TFEB: variants seen among roughly 807,000 people sequenced by gnomAD.
The protein encoded by TFEB is T-cell transcription factor EB.
Under a neutral mutation model 48.0 loss-of-function variants are expected in TFEB, and 12 were observed. The observed-to-expected ratio is 0.25, with a 90% CI of 0.16 to 0.40. The LOEUF is 0.40. Among genes scored for constraint, TFEB ranks in the 10% least tolerant of loss-of-function variants. The pLI is 1.00. For synonymous variants in TFEB, 244 were observed against 261.4 expected, an observed-to-expected ratio of 0.93 and a Z score of 0.64; for missense variants, 509 against 640.3, an observed-to-expected ratio of 0.79 and a Z score of 2.21.
chr6:41,725,865 G>A (rs1771183539), intron 1 of TFEB, among the ~76,000 whole-genome samples: 1 of 152,200 alleles, frequency 6.6e-6, no homozygotes. Context: ...GTGTTGATAA[G>A]GCTAAGGAGC....
Position 41,691,692 on chromosome 6 carries a change from G to A in TFEB, c.-22-457C>T, listed in dbSNP as rs1769325962. Among the ~76,000 whole-genome samples, 1 of 152,084 alleles carries A rather than the reference G, an allele frequency of 6.6e-6. No homozygotes were observed. Among genetic ancestry groups the A allele is most frequent in the African/African-American group, 2.4e-5 (1 of 41,406 alleles). ...AGGACGTTCTACTGGCAACTCAGTAGAGCAACTCATTTAACTCCTGTTAAA... is the reference window on the plus strand; with the variant it reads ...AGGACGTTCTACTGGCAACTCAGTAAAGCAACTCATTTAACTCCTGTTAAA... On this transcript the variant is annotated intron_variant, in intron 1 of 8. Coordinates refer to ENST00000373033, the MANE Select transcript of TFEB (RefSeq NM_001271944.2). The surrounding 1 kb of genome is among the most constrained non-coding windows in gnomAD (Gnocchi z 5.2).
At chr6:41,732,487 T>C (rs545877654) in intron 1 of TFEB, among the ~76,000 whole-genome samples, 1 of 152,350 alleles carries the variant, frequency 6.6e-6, no homozygotes, top group South Asian at 2.1e-4. Context: ...AAAGAAGAGA[T>C]GAATATTCTA....
chr6:41,691,855 C>T lies in TFEB; in HGVS notation c.-22-620G>A, dbSNP rs537259158. On this transcript the variant is annotated intron_variant, in intron 1 of 8. Transcript: ENST00000373033. This position sits in a 1 kb window ranked among gnomAD's most constrained non-coding sequence, Gnocchi z 5.2. ...CCCACCTCGTGTTCCCCTTTGACCC[C>T]ATCCGCCAGCTCTCCCTCTTGTTTT... Among the ~76,000 whole-genome samples the T allele has an allele frequency of 1.9e-3, 293 of 152,164 alleles. 1 individual carries two copies. The highest frequency in any genetic ancestry group is 3.4e-3 in the Non-Finnish European group (232 of 68,032).
At chr6:41,692,443 G>A (rs1421440195) in intron 1 of TFEB, among the ~76,000 whole-genome samples, 1 of 152,206 alleles carries the variant, frequency 6.6e-6, no homozygotes, top group Non-Finnish European at 1.5e-5. Context: ...TGTATGGGGA[G>A]GGCCACTTCC....
At chr6:41,725,824 A>G (rs1771181912) in intron 1 of TFEB, among the ~76,000 whole-genome samples, 1 of 152,270 alleles carries the variant, frequency 6.6e-6, no homozygotes, top group South Asian at 2.1e-4. Context: ...CACACTCACC[A>G]TCATGGCAGA....
chr6:41,690,941 C>A (rs1195618244), intron 2 of TFEB, 24 bp from the exon 3 acceptor site: 2 of 1,573,214 alleles, frequency 1.3e-6, no homozygotes, highest in East Asian at 4.5e-5. Flanking sequence ...AAGGCAAGGG[C>A]TCTAGGGGAG....
At chr6:41,686,432 C>A in intron 7 of TFEB, 195 bp from the exon 8 acceptor site, 12 of 538,222 alleles carry the variant, frequency 2.2e-5, no homozygotes, top group East Asian at 6.4e-5. Context: ...CTGCCCACTT[C>A]ATTAATCTCA....
intron 1 of TFEB, among the ~76,000 whole-genome samples, chr6:41,711,846 T>C (rs1445555362): frequency 6.6e-6 from 1 of 152,204 alleles, no homozygotes; most frequent in Non-Finnish European, 1.5e-5. Context: ...AGGGCCCTCA[T>C]GGCACCGAGC....
At chr6:41,715,559 A>T (rs1770700152) in intron 1 of TFEB, among the ~76,000 whole-genome samples, 1 of 151,856 alleles carries the variant, frequency 6.6e-6, no homozygotes, top group South Asian at 2.1e-4. Flanking sequence ...AATCCCAGCT[A>T]CTCGGGAGAC....
chr6:41,732,201 C>A (rs956196060), intron 1 of TFEB, among the ~76,000 whole-genome samples: 2 of 152,120 alleles, frequency 1.3e-5, no homozygotes, highest in Non-Finnish European at 2.9e-5. Flanking sequence ...CCCCAGACCA[C>A]CACACCCCCA....
chr6:41,686,375 G>A, intron 7 of TFEB, 138 bp from the exon 8 acceptor site: 1 of 1,099,722 alleles, frequency 9.1e-7, no homozygotes, highest in Non-Finnish European at 1.3e-6. Flanking sequence ...GGAGGTGGCT[G>A]ATCTCAGTTT....
At chr6:41,694,884 C>T (rs1769496547) in intron 1 of TFEB, among the ~76,000 whole-genome samples, 1 of 152,108 alleles carries the variant, frequency 6.6e-6, no homozygotes, top group Non-Finnish European at 1.5e-5. Flanking sequence ...TAACACCCTC[C>T]TCCTGAGAGG....
intron 1 of TFEB, among the ~76,000 whole-genome samples, chr6:41,708,049 G>A (rs1413290233): frequency 1.3e-5 from 2 of 152,392 alleles, no homozygotes; most frequent in Non-Finnish European, 1.5e-5. Context: ...TGCCACAGGG[G>A]CATTGCTGGC....
At chr6:41,712,435 G>A (rs35408263) in intron 1 of TFEB, among the ~76,000 whole-genome samples, 38 of 152,322 alleles carry the variant, frequency 2.5e-4, no homozygotes, top group Middle Eastern at 3.4e-3. Context: ...CTCCAACCCC[G>A]GCTCTGCTTC....
chr6:41,707,243 A>G (rs1231080950), intron 1 of TFEB, among the ~76,000 whole-genome samples: 1 of 152,214 alleles, frequency 6.6e-6, no homozygotes, highest in Non-Finnish European at 1.5e-5. Flanking sequence ...GAGTGAGTGC[A>G]GCCACCTTCC....
At chr6:41,686,600 C>T (rs1052898228) in intron 7 of TFEB, 10 of 233,392 alleles carry the variant, frequency 4.3e-5, no homozygotes, top group Non-Finnish European at 1.7e-5. Flanking sequence ...ACTGCTACCT[C>T]CACCTCCTGA....
In TFEB at chr6:41,685,979, A is replaced by G. The variant is rs1768976292; in HGVS notation, c.951+111T>C. 2.9e-6 allele frequency: 4 copies of G among 1,375,750 alleles called. No individual in the cohort carries two copies. In the South Asian group the frequency reaches 5.0e-5, roughly 17 times the overall value. The allele number at this position is 1,375,750 out of a possible 1,614,324, so 85.2% of individuals were successfully genotyped here. ...CCTAACTGATACATCCTCCTTCCTAATGGGCATTATTCCTGTGTCTCCAAC... is the reference window on the plus strand; with the variant it reads ...CCTAACTGATACATCCTCCTTCCTAGTGGGCATTATTCCTGTGTCTCCAAC... On this transcript the variant is annotated intron_variant, in intron 8 of 8. Transcript: ENST00000373033.
At chr6:41,700,799 C>A (rs1769878879) in intron 1 of TFEB, among the ~76,000 whole-genome samples, 2 of 152,336 alleles carry the variant, frequency 1.3e-5, no homozygotes, top group South Asian at 4.1e-4. Flanking sequence ...GCCCATCAGC[C>A]CCAAGTTTCA....
rs757205224 is a variant in TFEB, at chr6:41,690,649, A to G, written c.468+14T>C. The G allele has an allele frequency of 2.0e-6, 3 of 1,507,574 alleles. No homozygotes were observed. The highest frequency in any genetic ancestry group is 2.7e-5 in the South Asian group (2 of 75,000). The allele number at this position is 1,507,574 out of a possible 1,614,324, so 93.4% of individuals were successfully genotyped here. On this transcript the variant is annotated intron_variant, in intron 3 of 8. Coordinates refer to ENST00000373033, the MANE Select transcript of TFEB (RefSeq NM_001271944.2). ...TCTGCAAGCAGCATGGCCACTGGCC[A>G]GCTCCTCACTCACCTCCCTCTCAGG...
Sources: gnomAD v4.1 joint callset for allele counts (sites outside exome capture counted in the v4.1 genomes callset) on GRCh38, gnomAD v4.1.1 for gene constraint, Gnocchi (gnomAD v3.1) non-coding constraint, MANE v1.5 for transcripts, NCBI Gene and HGNC (gene_info 2026-07-23, HGNC 2026-07-21) for gene names.